Variants in ADGRL3 observed in about 807,000 individuals in gnomAD.
ADGRL3 encodes the protein calcium-independent alpha-latrotoxin receptor 3.
ADGRL3 carries 62 observed loss-of-function variants against 153.5 expected under a neutral mutation model. The ratio of observed to expected loss-of-function variants is 0.40; its 90% confidence interval spans 0.33 to 0.50. The LOEUF (loss-of-function observed/expected upper bound fraction) is 0.50, where lower values mean the gene tolerates loss of function less well. Among genes scored for constraint, ADGRL3 ranks in the 20% least tolerant of loss-of-function variants. ADGRL3 has a pLI of 0.47. For synonymous variants in ADGRL3, 710 were observed against 672.5 expected, an observed-to-expected ratio of 1.06 and a Z score of -0.86; for missense variants, 1,641 against 1,859.4, an observed-to-expected ratio of 0.88 and a Z score of 2.16.
intron 1 of ADGRL3, among the ~76,000 whole-genome samples, chr4:61,217,025 A>G (rs1426330524): frequency 6.6e-6 from 1 of 152,220 alleles, no homozygotes; most frequent in African/African-American, 2.4e-5. Flanking sequence ...TTCCCAAAAG[A>G]CTAGCTTCAT....
intron 1 of ADGRL3, among the ~76,000 whole-genome samples, chr4:61,206,163 C>T (rs1737113430): frequency 6.6e-6 from 1 of 152,112 alleles, no homozygotes; most frequent in Non-Finnish European, 1.5e-5. Context: ...CTTATTGACA[C>T]TTAAAACAGG....
At chr4:61,671,494 G>A (rs2094995803) in intron 5 of ADGRL3, among the ~76,000 whole-genome samples, 3 of 152,166 alleles carry the variant, frequency 2.0e-5, no homozygotes, top group Admixed American at 2.0e-4. Context: ...ACAGTTACAT[G>A]TAAATCGGAG....
At chr4:61,883,480 A>G (rs971504136) in intron 9 of ADGRL3, among the ~76,000 whole-genome samples, 3 of 152,190 alleles carry the variant, frequency 2.0e-5, no homozygotes, top group African/African-American at 7.2e-5. Context: ...TAGGTACTTT[A>G]AATGCATATT....
chr4:62,022,370 G>A (rs1355368836), intron 21 of ADGRL3, among the ~76,000 whole-genome samples: 1 of 152,148 alleles, frequency 6.6e-6, no homozygotes, highest in Non-Finnish European at 1.5e-5. Context: ...CCATAACATG[G>A]AACTGCAAGA....
chr4:61,547,264 GT>G (rs987426888), intron 4 of ADGRL3, among the ~76,000 whole-genome samples: 1 of 149,638 alleles, frequency 6.7e-6, no homozygotes, highest in Non-Finnish European at 1.5e-5. Context: ...GGGTTTTTTG[GT>G]TTTTTTTACT....
chr4:61,980,249 A>G (rs2099062981), intron 18 of ADGRL3, among the ~76,000 whole-genome samples: 1 of 149,666 alleles, frequency 6.7e-6, no homozygotes, highest in African/African-American at 2.5e-5. Context: ...TGCCTTGAAA[A>G]TCATCTGTGC....
Position 62,071,479 on chromosome 4 carries a change from T to C in ADGRL3, c.*571T>C, listed in dbSNP as rs1477656649. Reference sequence around the variant, plus strand: ...GAAATGGAGGGGAATTCTAGAATTATATGCTAAATGCATATTTTATGATTT... The same window carrying C: ...GAAATGGAGGGGAATTCTAGAATTACATGCTAAATGCATATTTTATGATTT... On this transcript the variant is annotated 3_prime_UTR_variant, in exon 27 of 27. Transcript: ENST00000683033. 1 of 170,564 alleles carries C rather than the reference T, an allele frequency of 5.9e-6. No individual in the cohort carries two copies. Among genetic ancestry groups the C allele is most frequent in the Non-Finnish European group, 1.3e-5 (1 of 79,552 alleles). 10.6% of individuals were successfully genotyped at this position (170,564 alleles called of 1,614,324 possible).
At chr4:61,680,707 T>C (rs1259780725) in intron 6 of ADGRL3, among the ~76,000 whole-genome samples, 1 of 152,006 alleles carries the variant, frequency 6.6e-6, no homozygotes, top group Non-Finnish European at 1.5e-5. Context: ...ATGAGTCAAA[T>C]GGTACGACTT....
chr4:61,970,551 C>T (rs1342898826), intron 17 of ADGRL3, among the ~76,000 whole-genome samples: 4 of 151,930 alleles, frequency 2.6e-5, no homozygotes, highest in African/African-American at 9.7e-5. Flanking sequence ...GCTTCTGAAG[C>T]CAGAAATTTT....
chr4:62,062,457 C>T (rs1284468790), intron 25 of ADGRL3, among the ~76,000 whole-genome samples: 1 of 152,012 alleles, frequency 6.6e-6, no homozygotes, highest in Non-Finnish European at 1.5e-5. Flanking sequence ...TTTAAATGAA[C>T]ATATACCTGT....
At chr4:62,063,593 G>T (rs780834415) in intron 25 of ADGRL3, 1 of 698,266 alleles carries the variant, frequency 1.4e-6, no homozygotes, top group Admixed American at 2.0e-5. Context: ...GGGAACCGGC[G>T]GTCTGTAACA....
intron 1 of ADGRL3, among the ~76,000 whole-genome samples, chr4:61,328,717 A>G (rs981363746): frequency 1.3e-5 from 2 of 152,208 alleles, no homozygotes; most frequent in South Asian, 2.1e-4. Flanking sequence ...TTTTCAAAGT[A>G]GAGTATTTTT....
At chr4:61,428,831 T>TATC in intron 2 of ADGRL3, among the ~76,000 whole-genome samples, 1 of 135,318 alleles carries the variant, frequency 7.4e-6, no homozygotes, top group African/African-American at 2.8e-5. Context: ...TAGCTATCAT[T>TATC]TATCTATCTA....
chr4:61,853,756 ATAT>A (rs2098234128), intron 9 of ADGRL3, among the ~76,000 whole-genome samples: 1 of 152,170 alleles, frequency 6.6e-6, no homozygotes, highest in South Asian at 2.1e-4. Flanking sequence ...ATGGTTCCTA[ATAT>A]TCGAGATTTA....
chr4:61,623,137 T>G (rs889649401), intron 5 of ADGRL3, among the ~76,000 whole-genome samples: 2 of 152,150 alleles, frequency 1.3e-5, no homozygotes, highest in African/African-American at 4.8e-5. Flanking sequence ...CGTATACCAA[T>G]TTGAAGAACT....
rs148428883 is a variant in ADGRL3, at chr4:61,507,601, T to C, written c.56-9714T>C. 2.0e-3 allele frequency among the ~76,000 whole-genome samples: 305 copies of C among 152,350 alleles called. 1 individual carries two copies. Among genetic ancestry groups the C allele is most frequent in the African/African-American group, 7.1e-3 (297 of 41,590 alleles). On this transcript the variant is annotated intron_variant, in intron 3 of 26. Coordinates refer to ENST00000683033, the MANE Select transcript of ADGRL3 (RefSeq NM_001387552.1). The stretch of plus-strand genomic sequence containing the variant: ...GGCCCCACCCAAATCTCATCTTGAA[T>C]TGTACTTCTATAATTCCCACAGGTT...
rs1345765166 is a variant in ADGRL3 at position 61,733,060 on chromosome 4, G to A, written c.905G>A (p.Arg302Gln). 3.7e-6 allele frequency: 6 copies of A among 1,613,554 alleles called. No individual in the cohort carries two copies. Among genetic ancestry groups the A allele is most frequent in the Non-Finnish European group, 5.1e-6 (6 of 1,179,800 alleles). Reference sequence around the variant, plus strand: ...AGGAACATAGTAAAGTTTGATTTGCGGACTAGGATAAAGAGTGGAGAGGCT... The same window carrying A: ...AGGAACATAGTAAAGTTTGATTTGCAGACTAGGATAAAGAGTGGAGAGGCT... ...RTRNIVKFDL[R>Q]TRIKSGEAII... The change falls in exon 8 of 27, where the codon CGG becomes CAG. Residue 302 changes from arginine to glutamine, a missense_variant. Arg to Gln is a conservative substitution (Grantham distance 43, BLOSUM62 1). Coordinates refer to ENST00000683033, the MANE Select transcript of ADGRL3 (RefSeq NM_001387552.1).
At chr4:61,448,539 A>G (rs2097617563) in intron 2 of ADGRL3, among the ~76,000 whole-genome samples, 1 of 152,118 alleles carries the variant, frequency 6.6e-6, no homozygotes, top group South Asian at 2.1e-4. Context: ...TGATGTTTAA[A>G]TGGCAACATG....
chr4:61,835,984 C>G (rs922691977), intron 9 of ADGRL3, among the ~76,000 whole-genome samples: 1 of 152,056 alleles, frequency 6.6e-6, no homozygotes, highest in Non-Finnish European at 1.5e-5. Context: ...TTCCTGTCCT[C>G]CAGATGGCAG....
Sources: allele counts gnomAD v4.1 joint callset (sites outside exome capture counted in the v4.1 genomes callset), GRCh38; gene constraint gnomAD v4.1.1; transcripts MANE v1.5; gene names NCBI Gene and HGNC (gene_info 2026-07-23, HGNC 2026-07-21).